Variants in SDK1 observed in about 807,000 individuals in gnomAD.
SDK1 encodes sidekick cell adhesion molecule 1.
Under a neutral mutation model 245.5 loss-of-function variants are expected in SDK1, and 157 were observed. That is an observed-to-expected ratio of 0.64 (90% CI 0.56 to 0.73). SDK1 has a LOEUF of 0.73. Among genes scored for constraint, SDK1 ranks in the 30% least tolerant of loss-of-function variants. The probability of loss-of-function intolerance (pLI) is 0.00; values close to 1 mark genes in which losing one functional copy is unlikely to be tolerated. For missense variants in SDK1, 3,583 were observed against 3,002.3 expected (o/e 1.19, Z -4.52); for synonymous variants, 1,647 against 1,278.5 (o/e 1.29, Z -6.15).
At chr7:3,759,633 C>G (rs1451454145) in intron 4 of SDK1, among the ~76,000 whole-genome samples, 1 of 150,546 alleles carries the variant, frequency 6.6e-6, no homozygotes, top group Non-Finnish European at 1.5e-5. Context: ...GAATTTTGCT[C>G]TTGTCGCCCA....
chr7:3,571,614 C>T (rs916996125), intron 1 of SDK1, among the ~76,000 whole-genome samples: 3 of 152,030 alleles, frequency 2.0e-5, no homozygotes, highest in African/African-American at 4.8e-5. Context: ...TGAAAGCAGC[C>T]TTTTGTTTTA....
At chr7:3,461,655 C>G (rs1000156627) in intron 1 of SDK1, among the ~76,000 whole-genome samples, 3 of 152,142 alleles carry the variant, frequency 2.0e-5, no homozygotes, top group Non-Finnish European at 4.4e-5. Context: ...TCAAAACTTT[C>G]CCTTTTCCTT....
chr7:3,902,877 A>C (rs985772737), intron 5 of SDK1, among the ~76,000 whole-genome samples: 7 of 152,168 alleles, frequency 4.6e-5, no homozygotes. Context: ...TGCAAACCAT[A>C]TATCTGGTAA....
chr7:3,465,460 C>G (rs1464534), intron 1 of SDK1, among the ~76,000 whole-genome samples: 112,831 of 152,146 alleles, frequency 0.74, 42,010 homozygotes, highest in South Asian at 0.81. Context: ...AGTGTTTCCA[C>G]TAGGGATACT....
chr7:3,810,917 G>T (rs919320289), intron 4 of SDK1, among the ~76,000 whole-genome samples: 18 of 152,146 alleles, frequency 1.2e-4, no homozygotes, highest in African/African-American at 4.3e-4. Flanking sequence ...TTTGTTTTAG[G>T]TAATAGAGGC....
chr7:3,969,196 T>G (rs1031818073), intron 10 of SDK1, 61 bp from the exon 11 acceptor site: 36 of 1,422,072 alleles, frequency 2.5e-5, no homozygotes, highest in Non-Finnish European at 3.4e-5. Context: ...CTCTAACCAC[T>G]ATCTTCATTT....
Position 3,590,679 on chromosome 7 carries a change from G to A in SDK1, c.299-28401G>A, listed in dbSNP as rs190894434. On this transcript the variant is annotated intron_variant, in intron 1 of 44. Coordinates refer to ENST00000404826, the MANE Select transcript of SDK1 (RefSeq NM_152744.4). The stretch of plus-strand genomic sequence containing the variant: ...TTTTAATAGTCTCATCCTTAGCTGC[G>A]CATTTACTTCACAAGGGAAACCTTA... 2.5e-3 allele frequency among the ~76,000 whole-genome samples: 386 copies of A among 151,942 alleles called. 3 individuals carry two copies. The highest frequency in any genetic ancestry group is 0.018 in the South Asian group (86 of 4,808).
At chr7:3,655,239 G>A (rs928465566) in intron 4 of SDK1, among the ~76,000 whole-genome samples, 1 of 151,186 alleles carries the variant, frequency 6.6e-6, no homozygotes. Context: ...TTCAAGACCA[G>A]CCTGACCAAC....
At chr7:3,654,007 A>AG (rs1276504372) in intron 4 of SDK1, among the ~76,000 whole-genome samples, 1 of 152,160 alleles carries the variant, frequency 6.6e-6, no homozygotes, top group African/African-American at 2.4e-5. Context: ...AAAGGTATGC[A>AG]GGGGTGTTCA....
At chr7:4,215,977 C>G (rs1344151491) in intron 38 of SDK1, among the ~76,000 whole-genome samples, 1 of 152,164 alleles carries the variant, frequency 6.6e-6, no homozygotes, top group Admixed American at 6.5e-5. Flanking sequence ...CAGTGGGCTT[C>G]AGACCACTCC....
intron 1 of SDK1, among the ~76,000 whole-genome samples, chr7:3,422,475 C>T (rs1299239018): frequency 6.6e-6 from 1 of 152,072 alleles, no homozygotes; most frequent in Non-Finnish European, 1.5e-5. Context: ...ACCAACTTTT[C>T]TTAATACTGG....
chr7:4,038,821 TC>T (rs1788397177), intron 17 of SDK1, among the ~76,000 whole-genome samples: 1 of 152,226 alleles, frequency 6.6e-6, no homozygotes. Context: ...CTGATCTTTT[TC>T]TGTATGAGAT....
chr7:4,240,052 T>C (rs1423441957), intron 42 of SDK1, among the ~76,000 whole-genome samples: 1 of 152,212 alleles, frequency 6.6e-6, no homozygotes, highest in Admixed American at 6.5e-5. Flanking sequence ...TCTGTATAAA[T>C]TCACTTCTAA....
At chr7:3,306,193 A>G (rs1390583552) in intron 1 of SDK1, among the ~76,000 whole-genome samples, 1 of 152,240 alleles carries the variant, frequency 6.6e-6, no homozygotes, top group African/African-American at 2.4e-5. Flanking sequence ...AACCTTATTT[A>G]CGATTATGAT....
intron 1 of SDK1, among the ~76,000 whole-genome samples, chr7:3,465,719 G>A (rs747189935): frequency 2.0e-5 from 3 of 152,142 alleles, no homozygotes; most frequent in Non-Finnish European, 4.4e-5. Context: ...CGCGTGTCTG[G>A]GAAGGTGTGA....
At chr7:3,379,998 A>G (rs1365581682) in intron 1 of SDK1, among the ~76,000 whole-genome samples, 2 of 152,212 alleles carry the variant, frequency 1.3e-5, no homozygotes, top group African/African-American at 4.8e-5. Flanking sequence ...GGGATTTTCA[A>G]CCTGTATTTA....
chr7:3,408,367 C>G (rs560731225), intron 1 of SDK1, among the ~76,000 whole-genome samples: 2 of 152,068 alleles, frequency 1.3e-5, no homozygotes, highest in Non-Finnish European at 2.9e-5. Context: ...AATTTTGGCT[C>G]TAATAAATTC....
chr7:4,240,256 C>T (rs980002680), intron 42 of SDK1, among the ~76,000 whole-genome samples: 14 of 152,068 alleles, frequency 9.2e-5, no homozygotes, highest in African/African-American at 3.4e-4. Flanking sequence ...GATGCTCAGC[C>T]GCACCCTGGA....
chr7:4,012,792 T>G (rs1786095040), intron 16 of SDK1, among the ~76,000 whole-genome samples: 3 of 152,038 alleles, frequency 2.0e-5, no homozygotes, highest in South Asian at 4.2e-4. Flanking sequence ...CAAGCTGGTC[T>G]CAAACTCCTG....
Sources: allele counts gnomAD v4.1 joint callset (sites outside exome capture counted in the v4.1 genomes callset), GRCh38; gene constraint gnomAD v4.1.1; transcripts MANE v1.5; gene names NCBI Gene and HGNC (gene_info 2026-07-23, HGNC 2026-07-21).